The following CACNA1A variants were observed in gnomAD, a reference collection of about 807,000 sequenced individuals.
The protein encoded by CACNA1A is calcium voltage-gated channel subunit alpha1 A.
CACNA1A carries 57 observed loss-of-function variants against 262.4 expected under a neutral mutation model. The ratio of observed to expected loss-of-function variants is 0.22; its 90% CI spans 0.18 to 0.27. The LOEUF (loss-of-function observed/expected upper bound fraction) is 0.27, where lower values mean the gene tolerates loss of function less well. CACNA1A is among the 10% of genes least tolerant of loss of function. CACNA1A has a pLI of 1.00. For synonymous variants in CACNA1A, 1,431 were observed against 1,419.3 expected (o/e 1.01, Z -0.18); for missense variants, 2,526 against 3,562.8 (o/e 0.71, Z 7.41).
At chr19:13,319,900 T>G (rs1182064157) in intron 10 of CACNA1A, among the ~76,000 whole-genome samples, 1 of 152,124 alleles carries the variant, frequency 6.6e-6, no homozygotes, top group Non-Finnish European at 1.5e-5. Flanking sequence ...AGTGAAGATG[T>G]GTCAAGATGG....
chr19:13,348,792 C>T (rs1203899538), intron 6 of CACNA1A, among the ~76,000 whole-genome samples: 2 of 152,060 alleles, frequency 1.3e-5, no homozygotes, highest in Non-Finnish European at 2.9e-5. Flanking sequence ...GCCGAGATCA[C>T]GCCACTGTAC....
At chr19:13,467,738 G>A (rs1217398683) in intron 1 of CACNA1A, among the ~76,000 whole-genome samples, 1 of 151,468 alleles carries the variant, frequency 6.6e-6, no homozygotes, top group African/African-American at 2.4e-5. Context: ...CCGAGTAGCT[G>A]GGATTACAGG....
intron 4 of CACNA1A, among the ~76,000 whole-genome samples, chr19:13,366,586 A>C (rs113372043): frequency 0.03 from 4,631 of 152,284 alleles, 233 homozygotes; most frequent in African/African-American, 0.1. Flanking sequence ...CATGAGCCAC[A>C]GAGCCCAGCC....
At position 13,259,710 on chromosome 19, in the gene CACNA1A, G is replaced by C; in HGVS notation, c.4251-9C>G. On this transcript the variant is annotated splice_polypyrimidine_tract_variant and intron_variant, in intron 26 of 46. Coordinates refer to ENST00000360228, the MANE Select transcript of CACNA1A (RefSeq NM_001127222.2). ...AGAGGAGGTATTTGCCTCTGCCACAGAGAGTGGGGACTGTTAGTAAATGGG... is the reference window on the plus strand; with the variant it reads ...AGAGGAGGTATTTGCCTCTGCCACACAGAGTGGGGACTGTTAGTAAATGGG... The C allele has an allele frequency of 6.2e-7, 1 of 1,610,778 alleles. No homozygotes were observed. The highest frequency in any genetic ancestry group is 1.1e-5 in the South Asian group (1 of 90,098).
chr19:13,376,122 G>C (rs550440910), intron 3 of CACNA1A, among the ~76,000 whole-genome samples: 1 of 152,224 alleles, frequency 6.6e-6, no homozygotes, highest in South Asian at 2.1e-4. Context: ...TAATATAAAA[G>C]TGCAAGGTGA....
chr19:13,276,986 A>C, intron 23 of CACNA1A, 83 bp downstream of exon 23: 1 of 888,490 alleles, frequency 1.1e-6, no homozygotes, highest in Non-Finnish European at 1.8e-6. Context: ...TGCTGGGATT[A>C]CAGGCATGAT....
intron 43 of CACNA1A, chr19:13,211,897 C>T (rs2054826059): frequency 5.4e-6 from 3 of 559,680 alleles, no homozygotes; most frequent in African/African-American, 3.8e-5. Flanking sequence ...TCCTCTCTGT[C>T]CTCTGTGAGG....
At chr19:13,254,923 G>A (rs922629621) in intron 29 of CACNA1A, among the ~76,000 whole-genome samples, 172 bp downstream of exon 29, 3 of 152,084 alleles carry the variant, frequency 2.0e-5, no homozygotes, top group South Asian at 2.1e-4. Context: ...GAAGCTGGCC[G>A]GGGGAGTGGT....
chr19:13,281,919 C>T (rs1262975968), intron 22 of CACNA1A, among the ~76,000 whole-genome samples: 2 of 152,234 alleles, frequency 1.3e-5, no homozygotes, highest in Admixed American at 6.5e-5. Flanking sequence ...CCCCCTGGAT[C>T]ATCCATGCCT....
rs2056187664 is a variant in CACNA1A, at chr19:13,244,982, C to A, written c.4950+200G>T. On this transcript the variant is annotated intron_variant, in intron 31 of 46. Coordinates refer to ENST00000360228, the MANE Select transcript of CACNA1A (RefSeq NM_001127222.2). Reference sequence around the variant, plus strand: ...TGGCCCTACAGCCAAGCTTTGGTTACCCCCATCTCCCCACAATGCCCTCCT... The same window carrying A: ...TGGCCCTACAGCCAAGCTTTGGTTAACCCCATCTCCCCACAATGCCCTCCT... 5.1e-6 allele frequency: 3 copies of A among 591,886 alleles called. No homozygotes were observed. The South Asian group carries it at 6.1e-5, about 12-fold the overall frequency. The allele number at this position is 591,886 out of a possible 1,614,324, so 36.7% of individuals were successfully genotyped here.
intron 6 of CACNA1A, among the ~76,000 whole-genome samples, chr19:13,343,475 C>T (rs1005970456): frequency 3.3e-5 from 5 of 151,908 alleles, no homozygotes; most frequent in Non-Finnish European, 7.4e-5. Context: ...TTTATGGATC[C>T]CATGAGGCAG....
chr19:13,322,239 A>C (rs949990042), intron 10 of CACNA1A, among the ~76,000 whole-genome samples: 1 of 151,796 alleles, frequency 6.6e-6, no homozygotes, highest in South Asian at 2.1e-4. Flanking sequence ...ATACAGAAAC[A>C]CAGAAAGAAG....
chr19:13,238,595 A>ATTTTTT lies in CACNA1A; in HGVS notation c.4951-2871_4951-2866dup, dbSNP rs113456944. On this transcript the variant is annotated intron_variant, in intron 31 of 46. Transcript: ENST00000360228. ...CACTCGCTCACCTCTATCACCCAGT[A>ATTTTTT]TTTTTTTTTTAAGAGAGTCTCACTC... is the stretch of plus-strand genomic sequence containing the variant. Among the ~76,000 whole-genome samples, 781 of 147,456 alleles carry ATTTTTT rather than the reference A, an allele frequency of 5.3e-3. 2 individuals carry two copies. Among genetic ancestry groups the ATTTTTT allele is most frequent in the African/African-American group, 0.012 (485 of 40,016 alleles).
rs561023025 is a variant in CACNA1A, at chr19:13,261,632, G to C, written c.4090-22C>G. The C allele has an allele frequency of 9.4e-6, 15 of 1,602,048 alleles. No individual in the cohort carries two copies. In the East Asian group the frequency reaches 2.9e-4, roughly 31 times the overall value. ...CAGCCTGTGGGGTGGAGTTGACAGA[G>C]AGCATGAGGGGCTGGGGACCTGCCC... On this transcript the variant is annotated intron_variant, in intron 25 of 46. Coordinates refer to ENST00000360228, the MANE Select transcript of CACNA1A (RefSeq NM_001127222.2).
chr19:13,395,397 G>A (rs780233894), intron 3 of CACNA1A, among the ~76,000 whole-genome samples: 21 of 151,106 alleles, frequency 1.4e-4, no homozygotes, highest in Non-Finnish European at 2.5e-4. Context: ...GATCACTTGA[G>A]GTCAGCAGTT....
chr19:13,429,672 C>G (rs1047885228), intron 3 of CACNA1A, among the ~76,000 whole-genome samples: 2 of 151,600 alleles, frequency 1.3e-5, no homozygotes, highest in Non-Finnish European at 2.9e-5. Context: ...TTTGTACACA[C>G]AGGTTTACAG....
intron 24 of CACNA1A, among the ~76,000 whole-genome samples, chr19:13,270,422 C>T (rs1295776829): frequency 5.0e-5 from 6 of 120,788 alleles, no homozygotes; most frequent in African/African-American, 1.6e-4. Flanking sequence ...GGGTGGGGGG[C>T]GGGTGGAGAG....
intron 10 of CACNA1A, among the ~76,000 whole-genome samples, chr19:13,322,305 C>A (rs999834519): frequency 2.0e-5 from 3 of 151,934 alleles, no homozygotes; most frequent in Non-Finnish European, 4.4e-5. Context: ...CTGAGGAACA[C>A]CAAGTATCGC....
intron 1 of CACNA1A, among the ~76,000 whole-genome samples, chr19:13,504,750 GT>G (rs2145187124): frequency 6.6e-6 from 1 of 152,288 alleles, no homozygotes. Flanking sequence ...AGCAGGGTGT[GT>G]CCCCCCTCCT....
Sources: gnomAD v4.1 joint callset for allele counts (sites outside exome capture counted in the v4.1 genomes callset) on GRCh38, gnomAD v4.1.1 for gene constraint, MANE v1.5 for transcripts, NCBI Gene and HGNC (gene_info 2026-07-23, HGNC 2026-07-21) for gene names.